The following STRN variants were observed in gnomAD, a reference collection of about 807,000 sequenced individuals.
STRN encodes the protein protein phosphatase 2 regulatory subunit B'''alpha.
In STRN, 53 loss-of-function variants were observed where a neutral mutation model predicts 96.3. The ratio of observed to expected loss-of-function variants is 0.55; its 90% confidence interval spans 0.44 to 0.69. The LOEUF is 0.69. Ranked by LOEUF, STRN falls within the 30% of genes least tolerant of loss-of-function variation. The probability of loss-of-function intolerance (pLI) is 0.00; values close to 1 mark genes in which losing one functional copy is unlikely to be tolerated. For missense variants in STRN, 987 were observed against 963.9 expected, an observed-to-expected ratio of 1.02 and a Z score of -0.32; for synonymous variants, 428 against 355.9, an observed-to-expected ratio of 1.20 and a Z score of -2.28.
chr2:36,860,397 G>A (rs923163940), intron 13 of STRN, among the ~76,000 whole-genome samples: 11 of 152,108 alleles, frequency 7.2e-5, no homozygotes, highest in Non-Finnish European at 7.4e-5. Flanking sequence ...ACATATTAAT[G>A]CTCGTTAAAT....
At chr2:36,853,631 A>T (rs1668273373) in intron 15 of STRN, among the ~76,000 whole-genome samples, 1 of 152,214 alleles carries the variant, frequency 6.6e-6, no homozygotes, top group Non-Finnish European at 1.5e-5. Context: ...CGCCATTGAC[A>T]TCAATGAGAA....
At chr2:36,945,264 A>G (rs1182783531) in intron 1 of STRN, among the ~76,000 whole-genome samples, 1 of 152,256 alleles carries the variant, frequency 6.6e-6, no homozygotes, top group African/African-American at 2.4e-5. Context: ...TAAGTAAATT[A>G]AACAACAGAG....
In STRN at chr2:36,844,082, G is replaced by C. The variant is rs766722536; in HGVS notation, c.*5374C>G. 4 of 152,056 alleles carry C rather than the reference G, an allele frequency of 2.6e-5. No homozygotes were observed. Among genetic ancestry groups the C allele is most frequent in the African/African-American group, 9.7e-5 (4 of 41,412 alleles). 9.4% of individuals were successfully genotyped at this position (152,056 alleles called of 1,614,324 possible). ...ACCCTGTGGTCAGCTCTAGTCAACTGAACTTGAGAAAACATAAAGTAACCA... is the reference window on the plus strand; with the variant it reads ...ACCCTGTGGTCAGCTCTAGTCAACTCAACTTGAGAAAACATAAAGTAACCA... On this transcript the variant is annotated 3_prime_UTR_variant, in exon 18 of 18. Coordinates refer to ENST00000263918, the MANE Select transcript of STRN (RefSeq NM_003162.4).
chr2:36,905,253 G>A (rs1669791551), intron 4 of STRN, among the ~76,000 whole-genome samples: 2 of 152,092 alleles, frequency 1.3e-5, no homozygotes, highest in South Asian at 4.1e-4. Flanking sequence ...ACAGGTGTGA[G>A]CTACTGCGCC....
intron 15 of STRN, among the ~76,000 whole-genome samples, chr2:36,854,750 A>C (rs1200430338): frequency 6.6e-6 from 1 of 152,174 alleles, no homozygotes; most frequent in Non-Finnish European, 1.5e-5. Context: ...CATAACCTGA[A>C]AAAGCACTTA....
intron 13 of STRN, among the ~76,000 whole-genome samples, chr2:36,858,726 G>A (rs1275383884): frequency 1.3e-5 from 2 of 152,196 alleles, no homozygotes; most frequent in South Asian, 2.1e-4. Flanking sequence ...AATGTCAATG[G>A]TGTTATGTCT....
chr2:36,886,530 T>C (rs1669232741), intron 8 of STRN, among the ~76,000 whole-genome samples, 186 bp downstream of exon 8: 1 of 152,114 alleles, frequency 6.6e-6, no homozygotes, highest in Admixed American at 6.5e-5. Flanking sequence ...TGTGGGTTGT[T>C]TTCTTTTAAG....
At chr2:36,928,338 G>A (rs1449417403) in intron 1 of STRN, among the ~76,000 whole-genome samples, 1 of 151,956 alleles carries the variant, frequency 6.6e-6, no homozygotes, top group East Asian at 1.9e-4. Context: ...AAAAAGGGAA[G>A]GAAAAAAGGT....
chr2:36,960,007 T>C (rs1664988404), intron 1 of STRN, among the ~76,000 whole-genome samples: 1 of 152,178 alleles, frequency 6.6e-6, no homozygotes, highest in Non-Finnish European at 1.5e-5. Context: ...AAAGCCTCTA[T>C]AACCTTTCTA....
chr2:36,854,069 T>TA (rs5830444), intron 15 of STRN, among the ~76,000 whole-genome samples: 65,044 of 151,898 alleles, frequency 0.43, 14,186 homozygotes, highest in East Asian at 0.59. Flanking sequence ...CCATCTTATC[T>TA]ACCAGACTTG....
intron 7 of STRN, among the ~76,000 whole-genome samples, chr2:36,889,371 A>G (rs72785085): frequency 0.013 from 1,950 of 152,268 alleles, 16 homozygotes; most frequent in Non-Finnish European, 0.022. Context: ...TAGGAGAAAC[A>G]TTCTTTATTT....
intron 1 of STRN, among the ~76,000 whole-genome samples, chr2:36,930,465 G>A (rs1411083469): frequency 6.6e-6 from 1 of 151,546 alleles, no homozygotes; most frequent in Non-Finnish European, 1.5e-5. Context: ...ATCATTTGGT[G>A]ACATCAAACT....
At chr2:36,924,373 A>AAC (rs35060141) in intron 2 of STRN, among the ~76,000 whole-genome samples, 1 of 151,022 alleles carries the variant, frequency 6.6e-6, no homozygotes, top group Non-Finnish European at 1.5e-5. Flanking sequence ...AAAAAAAAAA[A>AAC]GTCTATATAG....
intron 1 of STRN, among the ~76,000 whole-genome samples, chr2:36,938,316 C>T (rs1360723193): frequency 6.6e-6 from 1 of 151,756 alleles, no homozygotes; most frequent in Non-Finnish European, 1.5e-5. Flanking sequence ...ATCACAGCTA[C>T]TTGGGAGGCT....
intron 1 of STRN, among the ~76,000 whole-genome samples, chr2:36,943,045 T>C (rs1423886113): frequency 6.6e-6 from 1 of 152,118 alleles, no homozygotes; most frequent in East Asian, 1.9e-4. Context: ...TGTATGCTTC[T>C]TTGATGATTA....
rs574422057 is a variant in STRN, at chr2:36,937,073, G to C, written c.235-11865C>G. On this transcript the variant is annotated intron_variant, in intron 1 of 17. Transcript: ENST00000263918. ...AAAAAGAAAAAGAGGGCCGGAAACG[G>C]TGGCTCATGCTTGTAATCCCAGCAC... 6.6e-5 allele frequency among the ~76,000 whole-genome samples: 10 copies of C among 152,298 alleles called. No individual in the cohort carries two copies. The East Asian group carries it at 1.7e-3, about 26-fold the overall frequency.
rs542914289 is a variant in STRN at position 36,921,764 on chromosome 2, C to A, written c.338+3341G>T. ...ATTTCTCATCTTAGACTATTACAAT[C>A]TTTCTGCCTGTGTTTAGAGATCTTT... On this transcript the variant is annotated intron_variant, in intron 2 of 17. Coordinates refer to ENST00000263918, the MANE Select transcript of STRN (RefSeq NM_003162.4). Among the ~76,000 whole-genome samples, 45 of 152,232 alleles carry A rather than the reference C, an allele frequency of 3.0e-4. No individual in the cohort carries two copies. The South Asian group carries it at 4.3e-3, about 15-fold the overall frequency.
Position 36,925,234 on chromosome 2 carries a change from T to A in STRN, c.235-26A>T, listed in dbSNP as rs1444519041. ...CTGAGTAGGGGAAAGACAGAAAAAA[T>A]TCAGTTTAGACCAAAAAAAAAAGTT... On this transcript the variant is annotated intron_variant, in intron 1 of 17. Transcript: ENST00000263918. 2.5e-6 allele frequency: 4 copies of A among 1,590,416 alleles called. No homozygotes were observed. The Admixed American group carries it at 5.2e-5, about 21-fold the overall frequency.
At chr2:36,861,608 G>A (rs1185566152) in intron 12 of STRN, among the ~76,000 whole-genome samples, 1 of 152,058 alleles carries the variant, frequency 6.6e-6, no homozygotes, top group Non-Finnish European at 1.5e-5. Flanking sequence ...AAGTCTAACA[G>A]CCTGAGTCAG....
Sources: gnomAD v4.1 joint callset for allele counts (sites outside exome capture counted in the v4.1 genomes callset) on GRCh38, gnomAD v4.1.1 for gene constraint, MANE v1.5 for transcripts, NCBI Gene and HGNC (gene_info 2026-07-23, HGNC 2026-07-21) for gene names.